SAMD4A: variants seen among roughly 807,000 people sequenced by gnomAD.
The protein encoded by SAMD4A is sterile alpha motif domain containing 4A.
A neutral mutation model predicts 81.3 loss-of-function variants in SAMD4A; 33 were observed. The observed-to-expected ratio is 0.41, with a 90% CI of 0.31 to 0.54. SAMD4A has a LOEUF of 0.54. SAMD4A is among the 20% of genes least tolerant of loss of function. The probability of loss-of-function intolerance (pLI) is 0.37; values close to 1 mark genes in which losing one functional copy is unlikely to be tolerated. For synonymous variants in SAMD4A, 389 were observed against 382.1 expected, an observed-to-expected ratio of 1.02 and a Z score of -0.21; for missense variants, 854 against 951.1, an observed-to-expected ratio of 0.90 and a Z score of 1.34.
intron 3 of SAMD4A, among the ~76,000 whole-genome samples, chr14:54,735,785 A>G (rs551021060): frequency 6.6e-6 from 1 of 152,340 alleles, no homozygotes; most frequent in South Asian, 2.1e-4. Context: ...CTCTACCAGA[A>G]ATATGGTTTA....
At chr14:54,683,774 C>G (rs572532123) in intron 2 of SAMD4A, among the ~76,000 whole-genome samples, 13 of 152,146 alleles carry the variant, frequency 8.5e-5, no homozygotes, top group Non-Finnish European at 1.9e-4. Context: ...CTAAATTGCT[C>G]TACACAGAAG....
intron 2 of SAMD4A, among the ~76,000 whole-genome samples, chr14:54,606,472 G>A (rs1051074935): frequency 3.3e-5 from 5 of 152,174 alleles, no homozygotes; most frequent in Non-Finnish European, 7.4e-5. Context: ...GTGGCGGGGG[G>A]AGGAGTTTGC....
intron 2 of SAMD4A, among the ~76,000 whole-genome samples, chr14:54,595,569 G>A (rs1353174522): frequency 6.6e-6 from 1 of 151,880 alleles, no homozygotes; most frequent in East Asian, 1.9e-4. Context: ...AACAGCCTTC[G>A]GAGGGGAGGA....
chr14:54,766,236 G>A (rs992400603), intron 8 of SAMD4A, among the ~76,000 whole-genome samples: 1 of 152,116 alleles, frequency 6.6e-6, no homozygotes, highest in African/African-American at 2.4e-5. Context: ...CACTGGACTC[G>A]TTTTGGCCAG....
At chr14:54,778,616 G>A (rs1261148511) in intron 11 of SAMD4A, among the ~76,000 whole-genome samples, 1 of 152,010 alleles carries the variant, frequency 6.6e-6, no homozygotes, top group Admixed American at 6.5e-5. Flanking sequence ...AACGCTTTGA[G>A]TGTTTTTTTT....
intron 2 of SAMD4A, among the ~76,000 whole-genome samples, chr14:54,623,609 C>T (rs1308049348): frequency 8.9e-6 from 1 of 112,234 alleles, no homozygotes; most frequent in Non-Finnish European, 1.8e-5. Context: ...ATAAAGAAGC[C>T]AAGGTAGGGA....
At chr14:54,632,158 A>G (rs2034918672) in intron 2 of SAMD4A, among the ~76,000 whole-genome samples, 1 of 152,224 alleles carries the variant, frequency 6.6e-6, no homozygotes, top group Non-Finnish European at 1.5e-5. Flanking sequence ...ATTTTAGAGG[A>G]TGACTATAGT....
chr14:54,776,309 T>G, intron 10 of SAMD4A, 105 bp from the exon 11 acceptor site: 2 of 1,238,228 alleles, frequency 1.6e-6, no homozygotes, highest in Non-Finnish European at 1.1e-6. Context: ...TTTCTAGAAG[T>G]TAGAGTTCTC....
Position 54,631,396 on chromosome 14 carries a change from A to T in SAMD4A, c.196+63284A>T, listed in dbSNP as rs144633968. Among the ~76,000 whole-genome samples, 763 of 152,312 alleles carry T rather than the reference A, an allele frequency of 5.0e-3. 3 individuals are homozygous for T. The highest frequency in any genetic ancestry group is 0.017 in the African/African-American group (717 of 41,582). ...AACTAACAATCACACAGCACTAACA[A>T]ATGATGCTGTCCTCCTCTGCCTCTG... On this transcript the variant is annotated intron_variant, in intron 2 of 12. Coordinates refer to ENST00000554335, the MANE Select transcript of SAMD4A (RefSeq NM_015589.6).
At chr14:54,634,653 C>T (rs1167187930) in intron 2 of SAMD4A, among the ~76,000 whole-genome samples, 1 of 152,096 alleles carries the variant, frequency 6.6e-6, no homozygotes, top group Non-Finnish European at 1.5e-5. Context: ...TGGCCTGGTT[C>T]CTAACAGGCT....
chr14:54,623,724 A>G (rs577551946), intron 2 of SAMD4A, among the ~76,000 whole-genome samples: 1 of 152,310 alleles, frequency 6.6e-6, no homozygotes, highest in African/African-American at 2.4e-5. Context: ...GCTGGGGGAT[A>G]ACAACATGGG....
intron 3 of SAMD4A, among the ~76,000 whole-genome samples, chr14:54,706,154 T>C (rs1298015063): frequency 6.7e-6 from 1 of 150,032 alleles, no homozygotes. Context: ...TCAAGAACAG[T>C]CTGAACAACA....
intron 6 of SAMD4A, chr14:54,754,740 A>G (rs941487621): frequency 1.6e-5 from 11 of 683,232 alleles, no homozygotes; most frequent in African/African-American, 3.8e-5. Context: ...CTTACCTCAC[A>G]TAGATTTCTA....
chr14:54,635,937 G>A (rs148700732), intron 2 of SAMD4A, among the ~76,000 whole-genome samples: 67 of 152,316 alleles, frequency 4.4e-4, no homozygotes, highest in African/African-American at 1.4e-3. Flanking sequence ...CTTGGGATAC[G>A]TTGAATAACA....
chr14:54,636,371 T>C (rs760702428), intron 2 of SAMD4A, among the ~76,000 whole-genome samples: 38 of 152,262 alleles, frequency 2.5e-4, no homozygotes, highest in Middle Eastern at 3.4e-3. Flanking sequence ...AGTCGTGCAC[T>C]GGGAATCATG....
chr14:54,783,157 T>TAAA (rs368455274), intron 11 of SAMD4A, among the ~76,000 whole-genome samples: 5 of 140,510 alleles, frequency 3.6e-5, no homozygotes, highest in East Asian at 4.0e-4. Context: ...CACAAAACTT[T>TAAA]AAAAAAAAAA....
chr14:54,602,566 C>A (rs1285603739), intron 2 of SAMD4A, among the ~76,000 whole-genome samples: 1 of 152,050 alleles, frequency 6.6e-6, no homozygotes, highest in Non-Finnish European at 1.5e-5. Flanking sequence ...GAAACCTTCT[C>A]AGCCCTGTTG....
chr14:54,775,491 A>G (rs1239195708), intron 10 of SAMD4A, among the ~76,000 whole-genome samples: 1 of 152,184 alleles, frequency 6.6e-6, no homozygotes, highest in Non-Finnish European at 1.5e-5. Context: ...TGCCCTTTTT[A>G]TCCATGGCAA....
rs1169115990 is a variant in SAMD4A at position 54,775,315 on chromosome 14, C to G, written c.1917+180C>G. Reference sequence around the variant, plus strand: ...GTTGTTCTCTAGCAGACAGAGCAACCCCATAGCTGTGTTTAGGATGCCCAG... The same window carrying G: ...GTTGTTCTCTAGCAGACAGAGCAACGCCATAGCTGTGTTTAGGATGCCCAG... On this transcript the variant is annotated intron_variant, in intron 10 of 12. Transcript: ENST00000554335. Among the ~76,000 whole-genome samples, 5 of 152,262 alleles carry G rather than the reference C, an allele frequency of 3.3e-5. No individual in the cohort carries two copies. The East Asian group carries it at 9.7e-4, about 29-fold the overall frequency.
Sources: gnomAD v4.1 joint callset for allele counts (sites outside exome capture counted in the v4.1 genomes callset) on GRCh38, gnomAD v4.1.1 for gene constraint, MANE v1.5 for transcripts, NCBI Gene and HGNC (gene_info 2026-07-23, HGNC 2026-07-21) for gene names.